FCHSD2: variants seen among roughly 807,000 people sequenced by gnomAD.
The protein encoded by FCHSD2 is F-BAR and double SH3 domains protein 2.
Under a neutral mutation model 108.1 loss-of-function variants are expected in FCHSD2, and 38 were observed. That is an observed-to-expected ratio of 0.35 (90% confidence interval 0.27 to 0.46). The LOEUF (loss-of-function observed/expected upper bound fraction) is 0.46, where lower values mean the gene tolerates loss of function less well. FCHSD2 is among the 20% of genes least tolerant of loss of function. The pLI is 1.00. For missense variants in FCHSD2, 751 were observed against 897.8 expected, an observed-to-expected ratio of 0.84 and a Z score of 2.09; for synonymous variants, 279 against 314.7, an observed-to-expected ratio of 0.89 and a Z score of 1.20.
chr11:73,074,548 A>G (rs182644421), intron 3 of FCHSD2, among the ~76,000 whole-genome samples: 1 of 152,348 alleles, frequency 6.6e-6, no homozygotes, highest in Non-Finnish European at 1.5e-5. Flanking sequence ...ACTTTAGGAT[A>G]GCAATATACC....
At chr11:72,999,315 C>CT (rs777275615) in intron 5 of FCHSD2, among the ~76,000 whole-genome samples, 3,794 of 103,746 alleles carry the variant, frequency 0.037, 132 homozygotes, top group South Asian at 0.052. Context: ...ACCAAAGATT[C>CT]TTTTTTTTTT....
chr11:72,855,006 G>T (rs999653151), intron 13 of FCHSD2, among the ~76,000 whole-genome samples: 6 of 152,140 alleles, frequency 3.9e-5, no homozygotes, highest in African/African-American at 1.4e-4. Flanking sequence ...AGGCACGGTG[G>T]CTCACACCTG....
chr11:73,124,369 C>T (rs1860804362), intron 2 of FCHSD2, among the ~76,000 whole-genome samples: 1 of 151,934 alleles, frequency 6.6e-6, no homozygotes, highest in Non-Finnish European at 1.5e-5. Context: ...TATAACAAAC[C>T]TGCACATTGT....
intron 2 of FCHSD2, among the ~76,000 whole-genome samples, chr11:73,110,446 T>C (rs1414076898): frequency 1.3e-5 from 2 of 152,170 alleles, no homozygotes; most frequent in African/African-American, 4.8e-5. Flanking sequence ...GAATTATGCA[T>C]TCCTTCTAGA....
At chr11:72,839,663 T>C (rs1049517996) in intron 19 of FCHSD2, among the ~76,000 whole-genome samples, 4 of 152,064 alleles carry the variant, frequency 2.6e-5, no homozygotes, top group Non-Finnish European at 4.4e-5. Context: ...TTTACCAAGA[T>C]AGGCAATATG....
chr11:72,943,521 T>C (rs989954362), intron 8 of FCHSD2, among the ~76,000 whole-genome samples: 6 of 152,170 alleles, frequency 3.9e-5, no homozygotes, highest in Non-Finnish European at 5.9e-5. Flanking sequence ...CCTTGGTTAT[T>C]TATTAATAGC....
At chr11:73,094,567 C>T (rs917471842) in intron 2 of FCHSD2, among the ~76,000 whole-genome samples, 2 of 152,116 alleles carry the variant, frequency 1.3e-5, no homozygotes, top group African/African-American at 4.8e-5. Context: ...TGGAGTAAAG[C>T]TCAGTAACAA....
rs1168806332 is a variant in FCHSD2, at chr11:73,105,397, C to A, written c.120-21657G>T. Among the ~76,000 whole-genome samples the A allele has an allele frequency of 5.3e-5, 8 of 152,224 alleles. No homozygotes were observed. The East Asian group carries it at 1.5e-3, about 29-fold the overall frequency. On this transcript the variant is annotated intron_variant, in intron 2 of 19. Transcript: ENST00000409418. ...TACAGTACACCCTCTATATAAGACA[C>A]CACCATGCCCCAGAATCTACCAGGC... is the stretch of plus-strand genomic sequence containing the variant.
At chr11:72,936,888 G>T (rs565175823) in intron 8 of FCHSD2, among the ~76,000 whole-genome samples, 2 of 152,210 alleles carry the variant, frequency 1.3e-5, no homozygotes, top group Non-Finnish European at 2.9e-5. Context: ...AAAAATAGGC[G>T]ATTTAAAATC....
chr11:72,958,539 C>A (rs1306797282), intron 8 of FCHSD2, among the ~76,000 whole-genome samples: 1 of 152,058 alleles, frequency 6.6e-6, no homozygotes, highest in Non-Finnish European at 1.5e-5. Context: ...CAAAACAAAA[C>A]AACAACAAAA....
intron 9 of FCHSD2, among the ~76,000 whole-genome samples, chr11:72,918,879 T>C (rs1168205423): frequency 1.3e-5 from 2 of 152,132 alleles, no homozygotes; most frequent in African/African-American, 4.8e-5. Context: ...GTTACTATCC[T>C]AGAGAAAATA....
intron 2 of FCHSD2, among the ~76,000 whole-genome samples, chr11:73,105,667 ATATT>A (rs990017936): frequency 7.9e-5 from 12 of 152,206 alleles, no homozygotes; most frequent in African/African-American, 2.4e-4. Context: ...AACTCAATAA[ATATT>A]TATTATTAGG....
intron 9 of FCHSD2, among the ~76,000 whole-genome samples, chr11:72,903,515 G>A (rs995619288): frequency 5.9e-5 from 9 of 151,482 alleles, no homozygotes; most frequent in South Asian, 2.1e-4. Context: ...TACCGCGCCC[G>A]GCCTGGAATT....
At chr11:73,024,544 A>C (rs1858182778) in intron 3 of FCHSD2, among the ~76,000 whole-genome samples, 2 of 152,122 alleles carry the variant, frequency 1.3e-5, no homozygotes, top group African/African-American at 4.8e-5. Context: ...TAAGAAGGGG[A>C]AATGAGAATG....
chr11:72,959,795 T>C (rs905567511), intron 8 of FCHSD2, among the ~76,000 whole-genome samples: 52 of 152,064 alleles, frequency 3.4e-4, no homozygotes, highest in African/African-American at 1.3e-3. Context: ...ATGTACATTA[T>C]ATGCTGATGA....
At position 72,840,863 on chromosome 11, in the gene FCHSD2, G is replaced by A. The variant is rs1273133993; in HGVS notation, c.2139+14C>T. On this transcript the variant is annotated intron_variant, in intron 19 of 19. Coordinates refer to ENST00000409418, the MANE Select transcript of FCHSD2 (RefSeq NM_014824.3). ...AACTATGCATTCGATAATCCTGCAA[G>A]ATCAGAGACTTACAGGTCGCAGTTT... 7 of 1,579,594 alleles carry A rather than the reference G, an allele frequency of 4.4e-6. No homozygotes were observed. Among genetic ancestry groups the A allele is most frequent in the Non-Finnish European group, 6.1e-6 (7 of 1,148,842 alleles).
chr11:72,925,635 A>G (rs1856060957), intron 8 of FCHSD2, among the ~76,000 whole-genome samples: 1 of 152,126 alleles, frequency 6.6e-6, no homozygotes, highest in East Asian at 1.9e-4. Flanking sequence ...ATATTATCTC[A>G]TCATGAGATA....
At position 73,120,398 on chromosome 11, in the gene FCHSD2, C is replaced by T. The variant is rs186918483; in HGVS notation, c.119+19633G>A. On this transcript the variant is annotated intron_variant, in intron 2 of 19. Transcript: ENST00000409418. Reference sequence around the variant, plus strand: ...TGGCCAACAATGTCTCATTTGGTAGCAAACATTTCTTCAGTAAGTGTATAC... The same window carrying T: ...TGGCCAACAATGTCTCATTTGGTAGTAAACATTTCTTCAGTAAGTGTATAC... Among the ~76,000 whole-genome samples, 216 of 152,270 alleles carry T rather than the reference C, an allele frequency of 1.4e-3. 3 individuals are homozygous for T. Among genetic ancestry groups the T allele is most frequent in the Admixed American group, 0.013 (198 of 15,292 alleles).
At chr11:73,126,117 G>A (rs919586496) in intron 2 of FCHSD2, among the ~76,000 whole-genome samples, 3 of 151,654 alleles carry the variant, frequency 2.0e-5, no homozygotes, top group Non-Finnish European at 2.9e-5. Flanking sequence ...CGAGGTGGGC[G>A]GATCACAAGG....
Sources: gnomAD v4.1 joint callset for allele counts (sites outside exome capture counted in the v4.1 genomes callset) on GRCh38, gnomAD v4.1.1 for gene constraint, MANE v1.5 for transcripts, NCBI Gene and HGNC (gene_info 2026-07-23, HGNC 2026-07-21) for gene names.